PRKACB: variants seen among roughly 807,000 people sequenced by gnomAD.
The protein encoded by PRKACB is cAMP-dependent protein kinase catalytic subunit beta.
PRKACB carries 16 observed loss-of-function variants against 51.4 expected under a neutral mutation model. The observed-to-expected ratio is 0.31, with a 90% CI of 0.21 to 0.47. PRKACB has a LOEUF of 0.47. PRKACB is among the 20% of genes least tolerant of loss of function. The pLI is 1.00. For synonymous variants in PRKACB, 147 were observed against 154.4 expected, an observed-to-expected ratio of 0.95 and a Z score of 0.35; for missense variants, 309 against 464.5, an observed-to-expected ratio of 0.67 and a Z score of 3.08.
chr1:84,221,384 T>A lies in PRKACB; in HGVS notation c.1071+7067T>A, dbSNP rs190042999. ...AGTTTATCAATTTTGGTTATTTTTTTAAAAAAAAAACCTTTCATTTTTATG... is the reference window on the plus strand; with the variant it reads ...AGTTTATCAATTTTGGTTATTTTTTAAAAAAAAAAACCTTTCATTTTTATG... On this transcript the variant is annotated intron_variant, in intron 9 of 9. Coordinates refer to ENST00000370685, the MANE Select transcript of PRKACB (RefSeq NM_182948.4). Among the ~76,000 whole-genome samples, 926 of 151,762 alleles carry A rather than the reference T, an allele frequency of 6.1e-3. 13 individuals are homozygous for A. Among genetic ancestry groups the A allele is most frequent in the African/African-American group, 0.021 (886 of 41,422 alleles).
chr1:84,194,633 G>T (rs534486297), intron 5 of PRKACB, among the ~76,000 whole-genome samples: 2 of 152,050 alleles, frequency 1.3e-5, no homozygotes, highest in African/African-American at 4.8e-5. Context: ...TCAAGAATTC[G>T]ATTATAGGTT....
chr1:84,129,488 G>C (rs2100547404), intron 1 of PRKACB, among the ~76,000 whole-genome samples: 1 of 152,170 alleles, frequency 6.6e-6, no homozygotes, highest in East Asian at 1.9e-4. Context: ...AAAGTACTGT[G>C]ACAAAAGTAC....
At chr1:84,102,145 C>A (rs1450079658) in intron 1 of PRKACB, among the ~76,000 whole-genome samples, 1 of 150,950 alleles carries the variant, frequency 6.6e-6, no homozygotes, top group Non-Finnish European at 1.5e-5. Context: ...CCGAGGTGGG[C>A]AGATCACGAG....
At chr1:84,205,300 C>T (rs1671169529) in intron 8 of PRKACB, 1 of 968,974 alleles carries the variant, frequency 1.0e-6, no homozygotes, top group South Asian at 4.8e-5. Flanking sequence ...AACTCAAATT[C>T]AAACTAGAAT....
At chr1:84,095,091 A>T (rs1210820477) in intron 1 of PRKACB, among the ~76,000 whole-genome samples, 2 of 151,838 alleles carry the variant, frequency 1.3e-5, no homozygotes, top group East Asian at 3.9e-4. Flanking sequence ...ATGTAAGTGC[A>T]CTCTATGATG....
chr1:84,144,659 C>T lies in PRKACB; in HGVS notation c.187+111C>T, dbSNP rs932794844. The T allele has an allele frequency of 9.2e-6, 11 of 1,191,768 alleles. No homozygotes were observed. In the East Asian group the frequency reaches 1.1e-4, roughly 12 times the overall value. 73.8% of individuals were successfully genotyped at this position (1,191,768 alleles called of 1,614,324 possible). A position where few individuals can be genotyped will look rare whatever the true frequency, so the allele number is the denominator to read the frequency against. ...TTTGTTTGTTGTTTTCTGATTTTCA[C>T]AAGGACATTTTGCAAGATGAAGTTG... On this transcript the variant is annotated intron_variant, in intron 1 of 9. Transcript: ENST00000370685.
At chr1:84,180,473 A>C (rs1663047173) in intron 2 of PRKACB, among the ~76,000 whole-genome samples, 1 of 151,570 alleles carries the variant, frequency 6.6e-6, no homozygotes, top group African/African-American at 2.4e-5. Flanking sequence ...TGCAGTGTAT[A>C]CTGCTCAAGT....
intron 9 of PRKACB, among the ~76,000 whole-genome samples, chr1:84,223,375 T>TG (rs1674050416): frequency 1.6e-5 from 1 of 62,678 alleles, no homozygotes; most frequent in African/African-American, 4.6e-5. Flanking sequence ...TTTTTGTTTT[T>TG]TTGTTTTTTT....
At chr1:84,140,798 A>G (rs2100586642), upstream of PRKACB, among the ~76,000 whole-genome samples, 1 of 152,216 alleles carries the variant, frequency 6.6e-6, no homozygotes, top group South Asian at 2.1e-4. Context: ...TGTTTACTTC[A>G]TGTGGTAATC....
chr1:84,156,339 C>T (rs568892748), intron 1 of PRKACB, among the ~76,000 whole-genome samples: 2 of 152,178 alleles, frequency 1.3e-5, no homozygotes, highest in African/African-American at 2.4e-5. Context: ...TACATTGTTT[C>T]GTGATTTAAA....
chr1:84,176,645 T>G (rs1409344366), intron 1 of PRKACB, among the ~76,000 whole-genome samples: 1 of 151,828 alleles, frequency 6.6e-6, no homozygotes, highest in African/African-American at 2.4e-5. Flanking sequence ...CATAGAACTA[T>G]TTAATAACAT....
At chr1:84,207,515 ATT>A (rs1043429256) in intron 8 of PRKACB, among the ~76,000 whole-genome samples, 8 of 152,142 alleles carry the variant, frequency 5.3e-5, no homozygotes, top group African/African-American at 1.9e-4. Context: ...GTGTATGTTC[ATT>A]TTTGATCAAT....
rs574674797 is a variant in PRKACB, at chr1:84,120,710, T to G, written c.46+42339T>G. Among the ~76,000 whole-genome samples, 181 of 152,220 alleles carry G rather than the reference T, an allele frequency of 1.2e-3. 1 individual carries two copies. The highest frequency in any genetic ancestry group is 2.0e-3 in the Non-Finnish European group (135 of 67,962). ...AGTTCTCTCTTAATAGGGAAAAAAT[T>G]TATAACTGACAAAGTATCTCATAGT... On this transcript the variant is annotated intron_variant, in intron 1 of 8. Transcript: ENST00000370688.
chr1:84,103,447 A>T (rs1649505847), intron 1 of PRKACB, among the ~76,000 whole-genome samples: 1 of 152,058 alleles, frequency 6.6e-6, no homozygotes, highest in Non-Finnish European at 1.5e-5. Flanking sequence ...GGGGTAGAGA[A>T]AGAAAGAGAG....
intron 9 of PRKACB, among the ~76,000 whole-genome samples, chr1:84,225,322 G>A (rs1454768769): frequency 6.6e-6 from 1 of 152,176 alleles, no homozygotes; most frequent in Non-Finnish European, 1.5e-5. Flanking sequence ...GCTATCAGTG[G>A]CAGTGGCCCC....
intron 1 of PRKACB, among the ~76,000 whole-genome samples, chr1:84,155,646 T>C (rs1263572086): frequency 6.6e-6 from 1 of 152,146 alleles, no homozygotes; most frequent in Non-Finnish European, 1.5e-5. Flanking sequence ...ACTTTGAAAA[T>C]AAGATGTCAT....
At chr1:84,191,379 G>A (rs1313972405) in intron 5 of PRKACB, among the ~76,000 whole-genome samples, 4 of 152,018 alleles carry the variant, frequency 2.6e-5, no homozygotes, top group African/African-American at 9.7e-5. Flanking sequence ...TAAGGTATAA[G>A]CTGAGAGGTC....
At chr1:84,226,081 A>G (rs1674544322) in intron 9 of PRKACB, among the ~76,000 whole-genome samples, 1 of 152,070 alleles carries the variant, frequency 6.6e-6, no homozygotes, top group South Asian at 2.1e-4. Flanking sequence ...TGTAGCTTTA[A>G]AATATTTTAA....
At chr1:84,198,571 T>A (rs1482213939) in intron 7 of PRKACB, among the ~76,000 whole-genome samples, 1 of 152,062 alleles carries the variant, frequency 6.6e-6, no homozygotes, top group Non-Finnish European at 1.5e-5. Flanking sequence ...CTTTCATAAT[T>A]TAAATAATAT....
Sources: allele counts gnomAD v4.1 joint callset (sites outside exome capture counted in the v4.1 genomes callset), GRCh38; gene constraint gnomAD v4.1.1; transcripts MANE v1.5; gene names NCBI Gene and HGNC (gene_info 2026-07-23, HGNC 2026-07-21).